CCDC178: variants seen among roughly 807,000 people sequenced by gnomAD.
The protein encoded by CCDC178 is coiled-coil domain-containing protein 178.
CCDC178 carries 126 observed loss-of-function variants against 117.4 expected under a neutral mutation model. The observed-to-expected ratio is 1.07, with a 90% CI of 0.93 to 1.24. The LOEUF (loss-of-function observed/expected upper bound fraction) is 1.24. Among genes scored for constraint, CCDC178 ranks in the 50% most tolerant of loss-of-function variants. CCDC178 has a pLI of 0.00. For missense variants in CCDC178, 1,030 were observed against 986.9 expected, an observed-to-expected ratio of 1.04 and a Z score of -0.59; for synonymous variants, 283 against 313.4, an observed-to-expected ratio of 0.90 and a Z score of 1.02.
intron 22 of CCDC178, 128 bp from the exon 23 acceptor site, chr18:32,938,219 C>A: frequency 3.0e-6 from 2 of 662,404 alleles, no homozygotes; most frequent in Non-Finnish European, 5.4e-6. Context: ...CCATTACATT[C>A]TCCTTTATAG....
In CCDC178 at chr18:33,046,525, C is replaced by CAAA. The variant is rs10648309; in HGVS notation, c.2388+46233_2388+46235dup. On this transcript the variant is annotated intron_variant, in intron 21 of 22. Transcript: ENST00000383096. ...TTTACAAGACAAAGCTAAGTATAAG[C>CAAA]AAAAAAATAACCACAGTAATTTCAG... Among the ~76,000 whole-genome samples, 937 of 151,514 alleles carry CAAA rather than the reference C, an allele frequency of 6.2e-3. 4 individuals carry two copies. The highest frequency in any genetic ancestry group is 0.011 in the Admixed American group (169 of 15,230).
intron 21 of CCDC178, among the ~76,000 whole-genome samples, chr18:32,997,668 T>C (rs2055543379): frequency 6.6e-6 from 1 of 152,148 alleles, no homozygotes; most frequent in Non-Finnish European, 1.5e-5. Context: ...ATAAAGACTA[T>C]ATATGTATAT....
At chr18:33,231,406 A>G (rs1405956279) in intron 15 of CCDC178, among the ~76,000 whole-genome samples, 1 of 152,212 alleles carries the variant, frequency 6.6e-6, no homozygotes, top group Non-Finnish European at 1.5e-5. Flanking sequence ...ACAGATAAAT[A>G]CAATGCATGG....
intron 2 of CCDC178, among the ~76,000 whole-genome samples, chr18:33,428,618 G>A (rs1187320873): frequency 6.6e-6 from 1 of 151,072 alleles, no homozygotes; most frequent in Non-Finnish European, 1.5e-5. Context: ...TGTAATCCCA[G>A]CTACTCGGGA....
At chr18:33,324,201 G>A (rs945997818) in intron 10 of CCDC178, among the ~76,000 whole-genome samples, 1 of 151,640 alleles carries the variant, frequency 6.6e-6, no homozygotes, top group Admixed American at 6.6e-5. Context: ...CTCTCTCTCT[G>A]TATATCGCTG....
intron 9 of CCDC178, 21 bp downstream of exon 9, chr18:33,346,190 T>A: frequency 6.5e-7 from 1 of 1,548,884 alleles, no homozygotes; most frequent in Non-Finnish European, 8.9e-7. Flanking sequence ...TAAGAAGTAA[T>A]ATAAAAATCC....
intron 2 of CCDC178, among the ~76,000 whole-genome samples, chr18:33,415,425 A>T (rs191681731): frequency 6.1e-4 from 93 of 152,238 alleles, no homozygotes; most frequent in Admixed American, 1.8e-3. Context: ...GCTGGAACCC[A>T]TCAGTCTCAG....
chr18:33,157,841 T>C (rs1265430556), intron 20 of CCDC178, among the ~76,000 whole-genome samples: 1 of 152,178 alleles, frequency 6.6e-6, no homozygotes, highest in African/African-American at 2.4e-5. Flanking sequence ...CTTTCTGCTC[T>C]GTTGTCACAA....
intron 21 of CCDC178, among the ~76,000 whole-genome samples, chr18:33,046,851 A>T (rs2056653217): frequency 6.6e-6 from 1 of 152,122 alleles, no homozygotes; most frequent in Admixed American, 6.6e-5. Flanking sequence ...AAAATGAACA[A>T]AGGTAATTTA....
chr18:33,046,902 T>C (rs1203371637), intron 21 of CCDC178, among the ~76,000 whole-genome samples: 1 of 152,184 alleles, frequency 6.6e-6, no homozygotes, highest in Non-Finnish European at 1.5e-5. Flanking sequence ...TATGGAGATA[T>C]AGAAATGCCT....
At chr18:33,097,582 C>T (rs935841561) in intron 20 of CCDC178, among the ~76,000 whole-genome samples, 1 of 152,120 alleles carries the variant, frequency 6.6e-6, no homozygotes, top group African/African-American at 2.4e-5. Context: ...GGCTTTGCAT[C>T]ATCAAGTCAG....
intron 16 of CCDC178, among the ~76,000 whole-genome samples, chr18:33,225,397 C>T (rs550968705): frequency 2.0e-5 from 3 of 152,088 alleles, no homozygotes; most frequent in African/African-American, 7.2e-5. Flanking sequence ...TGACCTCAAG[C>T]GATCCACCCG....
At chr18:32,980,078 A>AT (rs1428266585) in intron 21 of CCDC178, among the ~76,000 whole-genome samples, 2 of 152,198 alleles carry the variant, frequency 1.3e-5, no homozygotes, top group Non-Finnish European at 2.9e-5. Flanking sequence ...ATCTTTAACA[A>AT]TTTTTTAAAA....
chr18:33,382,276 T>C (rs532045018), intron 5 of CCDC178, among the ~76,000 whole-genome samples: 2 of 152,320 alleles, frequency 1.3e-5, no homozygotes, highest in East Asian at 3.9e-4. Context: ...CTCATCTCTT[T>C]CCACCACTTT....
chr18:33,208,052 A>G (rs1443975058), intron 20 of CCDC178, among the ~76,000 whole-genome samples: 1 of 152,118 alleles, frequency 6.6e-6, no homozygotes. Flanking sequence ...TCAAATTAAA[A>G]TGTTCATTCC....
chr18:33,180,243 A>T (rs1273332068), intron 20 of CCDC178, among the ~76,000 whole-genome samples: 1 of 151,886 alleles, frequency 6.6e-6, no homozygotes, highest in Non-Finnish European at 1.5e-5. Context: ...GTACATAGGT[A>T]TCTTATTTTT....
At chr18:33,355,051 C>G (rs1388330275) in intron 7 of CCDC178, among the ~76,000 whole-genome samples, 4 of 152,106 alleles carry the variant, frequency 2.6e-5, no homozygotes, top group Non-Finnish European at 4.4e-5. Flanking sequence ...ATTGATTTAT[C>G]TTTGTCCAGT....
chr18:33,360,005 C>T (rs1195380039), intron 6 of CCDC178, among the ~76,000 whole-genome samples: 2 of 150,800 alleles, frequency 1.3e-5, no homozygotes, highest in Non-Finnish European at 3.0e-5. Flanking sequence ...ATTCATGAAA[C>T]CTTCTATTTT....
At chr18:33,185,866 T>C (rs2058786907) in intron 20 of CCDC178, among the ~76,000 whole-genome samples, 1 of 151,988 alleles carries the variant, frequency 6.6e-6, no homozygotes, top group Non-Finnish European at 1.5e-5. Context: ...TTTCTTGCTC[T>C]GGTGGTTCAC....
Sources: allele counts gnomAD v4.1 joint callset (sites outside exome capture counted in the v4.1 genomes callset), GRCh38; gene constraint gnomAD v4.1.1; transcripts MANE v1.5; gene names NCBI Gene and HGNC (gene_info 2026-07-23, HGNC 2026-07-21).